Variants in GPR39 observed in about 807,000 individuals in gnomAD.
GPR39 encodes the protein zinc sensing receptor.
A neutral mutation model predicts 18.4 loss-of-function variants in GPR39; 23 were observed. That is an observed-to-expected ratio of 1.25 (90% CI 0.90 to 1.77). The LOEUF is 1.77. Among genes scored for constraint, GPR39 ranks in the 40% most tolerant of loss-of-function variants. GPR39 has a pLI of 0.00. For synonymous variants in GPR39, 280 were observed against 257.9 expected (o/e 1.09, Z -0.82); for missense variants, 647 against 602.4 (o/e 1.07, Z -0.78).
intron 1 of GPR39, among the ~76,000 whole-genome samples, chr2:132,636,803 C>T (rs576927543): frequency 5.9e-5 from 9 of 152,206 alleles, no homozygotes; most frequent in African/African-American, 7.2e-5. Context: ...GGCTAGAGCC[C>T]GTGTGGTATG....
chr2:132,435,211 C>T (rs894469790), intron 1 of GPR39, among the ~76,000 whole-genome samples: 45 of 152,184 alleles, frequency 3.0e-4, no homozygotes, highest in African/African-American at 9.6e-4. Flanking sequence ...AAAGTTGACC[C>T]GAGTGTGCCT....
intron 1 of GPR39, among the ~76,000 whole-genome samples, chr2:132,592,260 G>A (rs1019461631): frequency 6.6e-6 from 1 of 152,080 alleles, no homozygotes; most frequent in Non-Finnish European, 1.5e-5. Context: ...AGAGTGTGTC[G>A]GCAAGGGTGC....
At chr2:132,566,221 G>T (rs1376024081) in intron 1 of GPR39, among the ~76,000 whole-genome samples, 3 of 147,586 alleles carry the variant, frequency 2.0e-5, no homozygotes, top group Non-Finnish European at 4.5e-5. Context: ...GTCTGTTCAT[G>T]TCCTTCACCC....
chr2:132,615,222 A>G (rs1202896281), intron 1 of GPR39, among the ~76,000 whole-genome samples: 1 of 152,174 alleles, frequency 6.6e-6, no homozygotes, highest in African/African-American at 2.4e-5. Context: ...GTGATAACTC[A>G]GCCATGAGCT....
At chr2:132,433,565 A>C (rs1294733438) in intron 1 of GPR39, 1 of 152,012 alleles carries the variant, frequency 6.6e-6, no homozygotes, top group Non-Finnish European at 1.5e-5. Context: ...GCTGCCAAGA[A>C]GTAAAGTCAT....
intron 1 of GPR39, among the ~76,000 whole-genome samples, chr2:132,592,669 G>A (rs1207318661): frequency 2.0e-5 from 3 of 152,146 alleles, no homozygotes; most frequent in Non-Finnish European, 2.9e-5. Context: ...AAAGAAAGGA[G>A]GGTAATTAGA....
chr2:132,494,531 A>T (rs1444040841), intron 1 of GPR39, among the ~76,000 whole-genome samples: 1 of 152,162 alleles, frequency 6.6e-6, no homozygotes, highest in Non-Finnish European at 1.5e-5. Flanking sequence ...CTCAGGCCTT[A>T]TACCAGGCAT....
intron 1 of GPR39, among the ~76,000 whole-genome samples, chr2:132,444,213 G>A (rs1444742317): frequency 6.6e-6 from 1 of 152,140 alleles, no homozygotes; most frequent in East Asian, 1.9e-4. Context: ...CTACAAGTCA[G>A]AATTACCCGA....
At chr2:132,635,131 A>G (rs1184829931) in intron 1 of GPR39, among the ~76,000 whole-genome samples, 1 of 152,170 alleles carries the variant, frequency 6.6e-6, no homozygotes, top group Non-Finnish European at 1.5e-5. Context: ...GATGGAAATG[A>G]GCCAGGCACT....
intron 1 of GPR39, among the ~76,000 whole-genome samples, chr2:132,539,027 C>A (rs1241479701): frequency 6.6e-6 from 1 of 152,154 alleles, no homozygotes; most frequent in African/African-American, 2.4e-5. Context: ...CTGAGCGAGA[C>A]CACTTGGCTC....
At chr2:132,598,489 G>C (rs1290014633) in intron 1 of GPR39, among the ~76,000 whole-genome samples, 1 of 121,000 alleles carries the variant, frequency 8.3e-6, no homozygotes, top group African/African-American at 3.1e-5. Context: ...GTTGTTTAAG[G>C]CTCCCAATTC....
chr2:132,500,254 C>G (rs964012890), intron 1 of GPR39, among the ~76,000 whole-genome samples: 1 of 152,030 alleles, frequency 6.6e-6, no homozygotes, highest in African/African-American at 2.4e-5. Context: ...TAAGGTATGT[C>G]CCTTCTATGC....
intron 1 of GPR39, among the ~76,000 whole-genome samples, chr2:132,614,187 TGTTTTTGTTTTG>T (rs1558859222): frequency 1.4e-5 from 2 of 147,606 alleles, no homozygotes; most frequent in Non-Finnish European, 1.5e-5. Flanking sequence ...CTTTTTTTTT[TGTTTTTGTTTTG>T]TTTTGTTTTT....
intron 1 of GPR39, among the ~76,000 whole-genome samples, chr2:132,538,912 C>T (rs1378007395): frequency 2.6e-5 from 4 of 152,172 alleles, no homozygotes; most frequent in South Asian, 2.1e-4. Flanking sequence ...GCCTCTCCCC[C>T]GACCAAACTT....
chr2:132,636,728 A>T (rs778708591), intron 1 of GPR39, among the ~76,000 whole-genome samples: 2 of 152,174 alleles, frequency 1.3e-5, no homozygotes, highest in Non-Finnish European at 2.9e-5. Context: ...TCTACTATTT[A>T]TAGGGAGCTG....
chr2:132,476,946 T>C (rs562087485), intron 1 of GPR39, among the ~76,000 whole-genome samples: 7 of 152,286 alleles, frequency 4.6e-5, no homozygotes, highest in African/African-American at 1.7e-4. Flanking sequence ...TTGTTGCTGA[T>C]GGCCTCTCCA....
chr2:132,643,769 C>CT (rs1681919657), intron 1 of GPR39, among the ~76,000 whole-genome samples: 1 of 152,176 alleles, frequency 6.6e-6, no homozygotes, highest in Non-Finnish European at 1.5e-5. Flanking sequence ...ATCCTTCTGC[C>CT]TTGGCCTCCC....
chr2:132,626,099 C>CAA lies in GPR39; in HGVS notation c.857-18991_857-18990dup, dbSNP rs11428329. ...TGGGCGACAGAGCGAGACTCCATCT[C>CAA]AAAAAAAAAAAACAAAAAACTAAAA... On this transcript the variant is annotated intron_variant, in intron 1 of 1. Coordinates refer to ENST00000329321, the MANE Select transcript of GPR39 (RefSeq NM_001508.3). 2.1e-3 allele frequency among the ~76,000 whole-genome samples: 283 copies of CAA among 134,228 alleles called. 1 individual carries two copies. The highest frequency in any genetic ancestry group is 4.1e-3 in the African/African-American group (149 of 36,224). 88.1% of individuals were successfully genotyped at this position (134,228 alleles called of 152,430 possible).
chr2:132,558,074 C>T (rs540837580), intron 1 of GPR39, among the ~76,000 whole-genome samples: 10 of 152,150 alleles, frequency 6.6e-5, no homozygotes, highest in African/African-American at 4.8e-5. Flanking sequence ...ATAAAGGATA[C>T]GTTCTCAGAA....
Sources: gnomAD v4.1 joint callset for allele counts (sites outside exome capture counted in the v4.1 genomes callset) on GRCh38, gnomAD v4.1.1 for gene constraint, MANE v1.5 for transcripts, NCBI Gene and HGNC (gene_info 2026-07-23, HGNC 2026-07-21) for gene names.